EFCAB6: variants seen among roughly 807,000 people sequenced by gnomAD.
The protein encoded by EFCAB6 is EF-hand calcium binding domain 6.
A neutral mutation model predicts 169.8 loss-of-function variants in EFCAB6; 156 were observed. That is an observed-to-expected ratio of 0.92 (90% CI 0.81 to 1.05). The LOEUF is 1.05. Among genes scored for constraint, EFCAB6 ranks in the 50% least tolerant of loss-of-function variants. EFCAB6 has a pLI of 0.00. For missense variants in EFCAB6, 1,800 were observed against 1,829.1 expected (o/e 0.98, Z 0.29); for synonymous variants, 698 against 676.4 (o/e 1.03, Z -0.50).
intron 27 of EFCAB6, chr22:43,551,953 G>C (rs1380768747): frequency 6.6e-6 from 1 of 151,214 alleles, no homozygotes; most frequent in Non-Finnish European, 1.5e-5. Flanking sequence ...TCAGCCTCCT[G>C]AGCAGCTGGG....
chr22:43,765,414 T>G lies in EFCAB6; in HGVS notation c.352-21A>C, dbSNP rs755019417. On this transcript the variant is annotated intron_variant, in intron 4 of 31. Transcript: ENST00000262726. ...GGGATCTACAGTCAAGGGAGAAGAA[T>G]GACAACATGTTAGAGAATTAAGATC... 16 of 1,577,632 alleles carry G rather than the reference T, an allele frequency of 1.0e-5. 1 individual carries two copies. The Admixed American group carries it at 2.0e-4, about 20-fold the overall frequency.
In EFCAB6 at chr22:43,534,751, G is replaced by A. The variant is rs2047286244; in HGVS notation, c.4170C>T (p.Leu1390=). The part of the protein sequence containing the change: ...AYCDFIQSCV[L]LLKAKESSLM... ...GTGAGCTTTCCTTTGCTTTTAGCAG[G>A]AGGACACAGCTCTGAATGAAGTCAC... The change falls in exon 30 of 32, where the codon CTC becomes CTT. Residue 1390 remains leucine, a synonymous_variant. Transcript: ENST00000262726. 1 of 1,613,608 alleles carries A rather than the reference G, an allele frequency of 6.2e-7. No homozygotes were observed. Among genetic ancestry groups the A allele is most frequent in the African/African-American group, 1.3e-5 (1 of 74,890 alleles).
intron 27 of EFCAB6, among the ~76,000 whole-genome samples, chr22:43,550,096 G>A (rs557596868): frequency 1.3e-5 from 2 of 152,274 alleles, no homozygotes; most frequent in Admixed American, 6.5e-5. Flanking sequence ...TGAAAGACAC[G>A]GGCAGGGGCC....
intron 8 of EFCAB6, among the ~76,000 whole-genome samples, chr22:43,720,088 A>T (rs2059467138): frequency 6.6e-6 from 1 of 152,218 alleles, no homozygotes. Flanking sequence ...ACATTTCACA[A>T]TGTATATGTA....
chr22:43,540,530 G>T (rs571751228), intron 27 of EFCAB6, 173 bp from the exon 28 acceptor site: 13 of 1,528,674 alleles, frequency 8.5e-6, no homozygotes, highest in Non-Finnish European at 1.0e-5. Flanking sequence ...CTCGGCGGAG[G>T]CCTCAGGAAG....
intron 23 of EFCAB6, among the ~76,000 whole-genome samples, chr22:43,591,005 A>AT (rs2051476454): frequency 6.6e-6 from 1 of 151,424 alleles, no homozygotes; most frequent in South Asian, 2.1e-4. Flanking sequence ...AGGCACTTTT[A>AT]TTTTTAAGAA....
In EFCAB6 at chr22:43,778,442, C is replaced by G. The variant is rs373326077; in HGVS notation, c.139+3738G>C. 6.6e-5 allele frequency among the ~76,000 whole-genome samples: 10 copies of G among 152,344 alleles called. No individual in the cohort carries two copies. In the East Asian group the frequency reaches 1.7e-3, roughly 26 times the overall value. On this transcript the variant is annotated intron_variant, in intron 3 of 31. Coordinates refer to ENST00000262726, the MANE Select transcript of EFCAB6 (RefSeq NM_022785.4). ...AAGAGCTCAGGTGAACCCTCCGAAG[C>G]ATATGGGCCCTTCACTAAGTGTCAG...
chr22:43,692,792 G>A (rs2058454215), intron 10 of EFCAB6, among the ~76,000 whole-genome samples: 1 of 151,924 alleles, frequency 6.6e-6, no homozygotes, highest in African/African-American at 2.4e-5. Context: ...CACAGAAGGA[G>A]AGGAGAGAGA....
chr22:43,628,086 C>G lies in EFCAB6; in HGVS notation c.2233-1407G>C, dbSNP rs149447105. Among the ~76,000 whole-genome samples the G allele has an allele frequency of 0.01, 1,552 of 152,180 alleles. 27 individuals are homozygous for G. The highest frequency in any genetic ancestry group is 0.036 in the African/African-American group (1,494 of 41,496). On this transcript the variant is annotated intron_variant, in intron 19 of 31. Coordinates refer to ENST00000262726, the MANE Select transcript of EFCAB6 (RefSeq NM_022785.4). The surrounding 1 kb of genome is among the most constrained non-coding windows in gnomAD (Gnocchi z 4.8). ...TACTCTCAGCCCCAAGCCGCCACCC[C>G]CCTGACCCACAGCCTCACATCTCCA...
chr22:43,622,951 G>C (rs1269328948), intron 20 of EFCAB6, among the ~76,000 whole-genome samples: 1 of 152,210 alleles, frequency 6.6e-6, no homozygotes, highest in Non-Finnish European at 1.5e-5. Flanking sequence ...ACTGAATGCA[G>C]CTGGAAATTC....
At chr22:43,626,356 G>T in intron 20 of EFCAB6, 91 bp downstream of exon 20, 1 of 1,229,288 alleles carries the variant, frequency 8.1e-7, no homozygotes, top group Non-Finnish European at 1.1e-6. Flanking sequence ...TCCATTCTTT[G>T]TATCCCTTTG....
At position 43,615,878 on chromosome 22, in the gene EFCAB6, G is replaced by A. The variant is rs775944151; in HGVS notation, c.2510C>T (p.Ala837Val). The A allele has an allele frequency of 1.9e-6, 3 of 1,613,732 alleles. No individual in the cohort carries two copies. Among genetic ancestry groups the A allele is most frequent in the East Asian group, 4.5e-5 (2 of 44,856 alleles). ...VADSELACEQAHQYLVTKAKN... is the reference protein window; with the variant it reads ...VADSELACEQVHQYLVTKAKN... ...TGCTTTGGTAACAAGATACTGATGA[G>A]CCTGCTCACAAGCTAGTTCTGAATC... is the stretch of plus-strand genomic sequence containing the variant. Residue 837 changes from alanine (A) to valine (V), a missense_variant, in exon 21 of 32, where the codon GCT becomes GTT. Ala to Val is a moderately conservative substitution (Grantham distance 64, BLOSUM62 0). Transcript: ENST00000262726.
chr22:43,542,569 G>A (rs2047798194), intron 27 of EFCAB6, among the ~76,000 whole-genome samples: 3 of 152,166 alleles, frequency 2.0e-5, no homozygotes, highest in Non-Finnish European at 4.4e-5. Flanking sequence ...AAAAGAGCAA[G>A]ACTCCATCTC....
intron 2 of EFCAB6, among the ~76,000 whole-genome samples, chr22:43,806,114 C>A (rs1171018431): frequency 1.5e-5 from 2 of 130,674 alleles, no homozygotes; most frequent in Admixed American, 9.0e-5. Context: ...TGCAGTGAGC[C>A]GAGATCATAC....
chr22:43,700,453 C>A (rs1411527731), intron 10 of EFCAB6, among the ~76,000 whole-genome samples: 1 of 152,028 alleles, frequency 6.6e-6, no homozygotes, highest in African/African-American at 2.4e-5. Flanking sequence ...GGAAAAAAAA[C>A]CCATAGCGTA....
intron 6 of EFCAB6, among the ~76,000 whole-genome samples, chr22:43,752,694 G>A (rs983862011): frequency 6.6e-5 from 10 of 152,158 alleles, no homozygotes; most frequent in Non-Finnish European, 1.5e-4. Flanking sequence ...TGACATCAAA[G>A]CATCTGCCTG....
At chr22:43,608,120 A>G (rs1447268994) in intron 22 of EFCAB6, among the ~76,000 whole-genome samples, 3 of 152,192 alleles carry the variant, frequency 2.0e-5, no homozygotes, top group Non-Finnish European at 2.9e-5. Flanking sequence ...CCCATTGCAT[A>G]TCTGCTGAGT....
At chr22:43,765,249 G>A in intron 5 of EFCAB6, 56 bp downstream of exon 5, 1 of 1,362,756 alleles carries the variant, frequency 7.3e-7, no homozygotes, top group South Asian at 1.2e-5. Flanking sequence ...TCACGTCATA[G>A]CTCTTACTCA....
chr22:43,576,337 C>T lies in EFCAB6; in HGVS notation c.3380G>A (p.Trp1127Ter). ...LRIHLTPYIN[W>*]KYFLQNFSCF... The stretch of plus-strand genomic sequence containing the variant: ...GCTAAAGTTCTGGAGAAAATATTTC[C>T]AATTTATATAGGGGGTTAGATGAAT... Residue 1127 changes from tryptophan (W) to a stop codon, truncating the protein, a stop_gained, in exon 26 of 32, where the codon TGG (tryptophan) becomes TAG (stop). Coordinates refer to ENST00000262726, the MANE Select transcript of EFCAB6 (RefSeq NM_022785.4). LOFTEE classifies it high-confidence loss of function. 6.3e-7 allele frequency: 1 copy of T among 1,595,574 alleles called. No individual in the cohort carries two copies. Among genetic ancestry groups the T allele is most frequent in the Non-Finnish European group, 8.5e-7 (1 of 1,175,228 alleles).
Sources: gnomAD v4.1 joint callset for allele counts (sites outside exome capture counted in the v4.1 genomes callset) on GRCh38, gnomAD v4.1.1 for gene constraint, Gnocchi (gnomAD v3.1) non-coding constraint, MANE v1.5 for transcripts, NCBI Gene and HGNC (gene_info 2026-07-23, HGNC 2026-07-21) for gene names.